Variants in CIMIP1 observed in about 807,000 individuals in gnomAD.
CIMIP1 encodes the protein ciliary microtubule inner protein 1, also known as low in lung cancer 1.
At chr20:58,159,183 C>CTTTTTTTTTT in the CIMIP1 span, among the ~76,000 whole-genome samples, 334 of 103,908 alleles carry the variant, frequency 3.2e-3, no homozygotes, top group Middle Eastern at 0.024. Flanking sequence ...GCACTTTCTT[C>CTTTTTTTTTT]TTTTTTTTTT....
At chr20:58,160,674 C>G in the CIMIP1 span, 2 of 1,613,958 alleles carry the variant, frequency 1.2e-6, no homozygotes, top group Non-Finnish European at 1.7e-6. Flanking sequence ...TTTCCATCCC[C>G]CCCAGTCCCA....
chr20:58,154,424 C>T, the CIMIP1 span, among the ~76,000 whole-genome samples: 1 of 152,176 alleles, frequency 6.6e-6, no homozygotes, highest in African/African-American at 2.4e-5. Flanking sequence ...GGGGTGGTGG[C>T]CACCAATCTG....
At chr20:58,160,390 T>C in the CIMIP1 span, among the ~76,000 whole-genome samples, 7 of 152,236 alleles carry the variant, frequency 4.6e-5, no homozygotes, top group African/African-American at 1.7e-4. Flanking sequence ...TTTTTTCTTT[T>C]TGCTTTCTTA....
At chr20:58,155,272 C>G in the CIMIP1 span, among the ~76,000 whole-genome samples, 1 of 152,216 alleles carries the variant, frequency 6.6e-6, no homozygotes, top group African/African-American at 2.4e-5. Flanking sequence ...ACTTTCCTAA[C>G]GGTGTAACTA....
the CIMIP1 span, among the ~76,000 whole-genome samples, chr20:58,154,312 A>G: frequency 6.6e-6 from 1 of 152,256 alleles, no homozygotes; most frequent in East Asian, 1.9e-4. Flanking sequence ...ACCATATGGG[A>G]AAGCCAACTG....
the CIMIP1 span, chr20:58,160,723 G>T: frequency 6.2e-7 from 1 of 1,614,122 alleles, no homozygotes; most frequent in Non-Finnish European, 8.5e-7. Flanking sequence ...GATCTGCAGT[G>T]CCAGGCCTGA....
At chr20:58,159,522 GAAA>G in the CIMIP1 span, among the ~76,000 whole-genome samples, 5 of 147,912 alleles carry the variant, frequency 3.4e-5, no homozygotes, top group African/African-American at 9.9e-5. Context: ...CTAAAAAAAG[GAAA>G]AAAAAAAAAA....
the CIMIP1 span, among the ~76,000 whole-genome samples, chr20:58,151,210 T>C: frequency 2.0e-5 from 3 of 152,144 alleles, no homozygotes; most frequent in African/African-American, 4.8e-5. Context: ...GTTAGGGACA[T>C]GAGAGCGACA....
chr20:58,150,997 T>C, the CIMIP1 span: 1 of 1,609,174 alleles, frequency 6.2e-7, no homozygotes, highest in Non-Finnish European at 8.5e-7. Flanking sequence ...CCGCGGCGGC[T>C]GAACGCATGA....
the CIMIP1 span, among the ~76,000 whole-genome samples, chr20:58,151,886 T>G: frequency 6.6e-6 from 1 of 152,212 alleles, no homozygotes; most frequent in African/African-American, 2.4e-5. Flanking sequence ...ATATTTTAAT[T>G]GGCATGCTAT....
the CIMIP1 span, chr20:58,155,579 G>A: frequency 5.6e-6 from 9 of 1,601,174 alleles, no homozygotes; most frequent in Admixed American, 1.7e-5. Flanking sequence ...GGTTTGAAAC[G>A]TTTTTAAATA....
At chr20:58,159,381 T>C in the CIMIP1 span, among the ~76,000 whole-genome samples, 1 of 151,942 alleles carries the variant, frequency 6.6e-6, no homozygotes, top group Non-Finnish European at 1.5e-5. Context: ...CTGGGCATGA[T>C]GGCACTTACC....
the CIMIP1 span, among the ~76,000 whole-genome samples, chr20:58,158,855 G>A: frequency 9.9e-5 from 15 of 152,268 alleles, no homozygotes; most frequent in South Asian, 2.9e-3. Context: ...CATAGACAAG[G>A]ACATCCATGG....
the CIMIP1 span, chr20:58,160,690 C>T: frequency 6.2e-7 from 1 of 1,614,024 alleles, no homozygotes; most frequent in South Asian, 1.1e-5. Context: ...TCCCACAGAC[C>T]ACCCAGGGCT....
At chr20:58,154,115 A>C in the CIMIP1 span, among the ~76,000 whole-genome samples, 4 of 152,220 alleles carry the variant, frequency 2.6e-5, no homozygotes, top group African/African-American at 9.6e-5. Context: ...GTGACATATG[A>C]GGGATTCTTG....
At chr20:58,153,536 T>C in the CIMIP1 span, 1 of 1,613,744 alleles carries the variant, frequency 6.2e-7, no homozygotes, top group Non-Finnish European at 8.5e-7. Context: ...AGGAACTTTC[T>C]TTTTCAGGAA....
the CIMIP1 span, among the ~76,000 whole-genome samples, chr20:58,153,922 G>A: frequency 6.6e-6 from 1 of 152,186 alleles, no homozygotes; most frequent in African/African-American, 2.4e-5. Flanking sequence ...TCCAAGACCT[G>A]CAAAGTCACA....
At chr20:58,155,316 C>T in the CIMIP1 span, 1 of 611,790 alleles carries the variant, frequency 1.6e-6, no homozygotes, top group East Asian at 2.9e-5. Context: ...CCATGCCCCA[C>T]TTCTGTGTCT....
the CIMIP1 span, among the ~76,000 whole-genome samples, chr20:58,156,244 G>A: frequency 7.4e-3 from 1,133 of 152,338 alleles, 4 homozygotes; most frequent in Non-Finnish European, 0.011. Context: ...AAACAGGCCG[G>A]TGGTGTGTCA....
Sources: gnomAD v4.1 joint callset for allele counts (sites outside exome capture counted in the v4.1 genomes callset) on GRCh38, gnomAD v4.1.1 for gene constraint, MANE v1.5 for transcripts, NCBI Gene and HGNC (gene_info 2026-07-23, HGNC 2026-07-21) for gene names.